Variants in AFF3 observed in about 807,000 individuals in gnomAD.
AFF3 encodes the protein AF4/FMR2 family member 3.
A neutral mutation model predicts 129.7 loss-of-function variants in AFF3; 32 were observed. The observed-to-expected ratio is 0.25, with a 90% CI of 0.19 to 0.33. AFF3 has a LOEUF of 0.33. Ranked by LOEUF, AFF3 falls within the 10% of genes least tolerant of loss-of-function variation. The pLI, the probability that AFF3 is intolerant of heterozygous loss-of-function variation, is 1.00. For missense variants in AFF3, 1,373 were observed against 1,592.0 expected, an observed-to-expected ratio of 0.86 and a Z score of 2.34; for synonymous variants, 644 against 635.4, an observed-to-expected ratio of 1.01 and a Z score of -0.20.
At chr2:99,568,433 A>G (rs1412972494) in intron 19 of AFF3, among the ~76,000 whole-genome samples, 2 of 152,244 alleles carry the variant, frequency 1.3e-5, no homozygotes, top group Non-Finnish European at 2.9e-5. Flanking sequence ...TTTCAGAGAA[A>G]GCATTCATTT....
At chr2:99,809,864 T>TA (rs1686655113) in intron 8 of AFF3, among the ~76,000 whole-genome samples, 1 of 152,200 alleles carries the variant, frequency 6.6e-6, no homozygotes, top group African/African-American at 2.4e-5. Flanking sequence ...TATATTTTTA[T>TA]AAGAAATAGT....
chr2:99,812,735 T>C (rs576485887), intron 8 of AFF3, among the ~76,000 whole-genome samples: 48 of 152,372 alleles, frequency 3.2e-4, no homozygotes, highest in Admixed American at 9.1e-4. Context: ...ACTTTCTATA[T>C]GATTTCATCT....
intron 7 of AFF3, among the ~76,000 whole-genome samples, chr2:99,917,923 T>C (rs1414608711): frequency 2.6e-5 from 4 of 152,074 alleles, no homozygotes; most frequent in African/African-American, 4.8e-5. Context: ...TATATAAAAA[T>C]ATTACAGAAA....
intron 8 of AFF3, among the ~76,000 whole-genome samples, chr2:99,814,601 C>T (rs755291852): frequency 1.3e-5 from 2 of 152,184 alleles, no homozygotes; most frequent in Non-Finnish European, 2.9e-5. Context: ...TGCCAGCTCA[C>T]AGGAATAGCC....
Position 99,899,063 on chromosome 2 carries a change from G to A in AFF3, c.874-61539C>T, listed in dbSNP as rs934020223. On this transcript the variant is annotated intron_variant, in intron 7 of 24. Coordinates refer to ENST00000672756, the MANE Select transcript of AFF3 (RefSeq NM_001386135.1). ...GCTACAGCCATTGTCACAGGGCTGGGCACACAGATTGTCTTAATAAGTACC... is the reference window on the plus strand; with the variant it reads ...GCTACAGCCATTGTCACAGGGCTGGACACACAGATTGTCTTAATAAGTACC... Among the ~76,000 whole-genome samples the A allele has an allele frequency of 1.3e-5, 2 of 152,202 alleles. 1 individual carries two copies. The highest frequency in any genetic ancestry group is 1.3e-4 in the Admixed American group (2 of 15,278).
chr2:100,133,246 A>G (rs1692498301), intron 1 of AFF3, among the ~76,000 whole-genome samples: 1 of 152,046 alleles, frequency 6.6e-6, no homozygotes, highest in South Asian at 2.1e-4. Context: ...CCTGGGTGAC[A>G]GAGCCAGACC....
intron 4 of AFF3, among the ~76,000 whole-genome samples, chr2:100,024,189 G>A (rs1193062162): frequency 2.3e-5 from 3 of 129,416 alleles, no homozygotes; most frequent in South Asian, 2.5e-4. Flanking sequence ...CCGAGATCGC[G>A]CCACTGCACT....
intron 13 of AFF3, among the ~76,000 whole-genome samples, chr2:99,634,941 T>C (rs9284724): frequency 0.85 from 127,330 of 150,104 alleles, 54,091 homozygotes; most frequent in East Asian, 0.93. Context: ...GAGCACGACT[T>C]GAGGCAGAGC....
intron 10 of AFF3, among the ~76,000 whole-genome samples, chr2:99,742,666 G>A (rs1680814963): frequency 6.6e-6 from 1 of 152,194 alleles, no homozygotes; most frequent in Non-Finnish European, 1.5e-5. Context: ...GGGGCAGAGA[G>A]CCCTGAATTC....
At chr2:99,865,338 T>G (rs1691312106) in intron 7 of AFF3, among the ~76,000 whole-genome samples, 1 of 152,204 alleles carries the variant, frequency 6.6e-6, no homozygotes, top group African/African-American at 2.4e-5. Flanking sequence ...CAGGCAGCTT[T>G]GGCCCATGAG....
intron 7 of AFF3, among the ~76,000 whole-genome samples, chr2:99,842,679 A>T (rs1382388896): frequency 1.3e-5 from 2 of 152,222 alleles, no homozygotes; most frequent in Admixed American, 6.5e-5. Flanking sequence ...CCTACCATTT[A>T]AATGTACATG....
rs140279942 is a variant in AFF3, at chr2:99,816,227, G to A, written c.921+21250C>T. 1.9e-3 allele frequency among the ~76,000 whole-genome samples: 289 copies of A among 151,992 alleles called. 1 individual carries two copies. Among genetic ancestry groups the A allele is most frequent in the African/African-American group, 6.8e-3 (280 of 41,466 alleles). On this transcript the variant is annotated intron_variant, in intron 8 of 24. Coordinates refer to ENST00000672756, the MANE Select transcript of AFF3 (RefSeq NM_001386135.1). ...CTCTTGTAGTTTCCATCTCTTTGGC[G>A]ACATGGCCTATATAATCTTGCATGC...
chr2:99,980,301 C>T (rs1679289188), intron 7 of AFF3, among the ~76,000 whole-genome samples: 1 of 152,172 alleles, frequency 6.6e-6, no homozygotes, highest in Admixed American at 6.5e-5. Flanking sequence ...CAAGATGAGT[C>T]CTCAGAGACG....
intron 13 of AFF3, among the ~76,000 whole-genome samples, chr2:99,638,075 A>T (rs1489865069): frequency 8.1e-6 from 1 of 124,100 alleles, no homozygotes; most frequent in Non-Finnish European, 1.7e-5. Context: ...GGCCAGAACC[A>T]GTATTTTTTT....
chr2:99,879,869 T>A (rs1442403790), intron 7 of AFF3, among the ~76,000 whole-genome samples: 3 of 152,212 alleles, frequency 2.0e-5, no homozygotes, highest in Non-Finnish European at 2.9e-5. Flanking sequence ...TTTTAACAGG[T>A]ATGAGTATCA....
chr2:100,083,789 C>T (rs1347268188), intron 4 of AFF3, among the ~76,000 whole-genome samples: 2 of 151,940 alleles, frequency 1.3e-5, no homozygotes, highest in African/African-American at 4.8e-5. Context: ...CTCAGCTTTA[C>T]AAGGCTAAGG....
At chr2:99,836,036 G>A (rs1688847820) in intron 8 of AFF3, among the ~76,000 whole-genome samples, 1 of 152,196 alleles carries the variant, frequency 6.6e-6, no homozygotes, top group Non-Finnish European at 1.5e-5. Flanking sequence ...CTTTTGGTGT[G>A]TGAATTACTC....
chr2:100,033,403 T>TA (rs1684668829), intron 4 of AFF3, among the ~76,000 whole-genome samples: 1 of 152,210 alleles, frequency 6.6e-6, no homozygotes, highest in East Asian at 1.9e-4. Context: ...CATACACTCA[T>TA]AAACACAAAT....
At position 99,793,091 on chromosome 2, in the gene AFF3, TG is replaced by T. The variant is rs547253664; in HGVS notation, c.922-40791del. 2.7e-3 allele frequency among the ~76,000 whole-genome samples: 418 copies of T among 152,236 alleles called. 2 individuals carry two copies. The highest frequency in any genetic ancestry group is 4.8e-3 in the Non-Finnish European group (326 of 68,028). On this transcript the variant is annotated intron_variant, in intron 8 of 24. Transcript: ENST00000672756. ...GAGGTGGGGCCTATTGAGAGGTATT[TG>T]GGTCATGAAGGTGGATCTCTCATGA...
Sources: gnomAD v4.1 joint callset for allele counts (sites outside exome capture counted in the v4.1 genomes callset) on GRCh38, gnomAD v4.1.1 for gene constraint, MANE v1.5 for transcripts, NCBI Gene and HGNC (gene_info 2026-07-23, HGNC 2026-07-21) for gene names.